The following PRKAR1A variants were observed in gnomAD, a reference collection of about 807,000 sequenced individuals.
PRKAR1A encodes the protein cAMP-dependent protein kinase type I-alpha regulatory subunit.
Under a neutral mutation model 52.0 loss-of-function variants are expected in PRKAR1A, and 3 were observed. That is an observed-to-expected ratio of 0.06 (90% CI 0.03 to 0.15). The LOEUF (loss-of-function observed/expected upper bound fraction) is 0.15, where lower values mean the gene tolerates loss of function less well. Among genes scored for constraint, PRKAR1A ranks in the 10% least tolerant of loss-of-function variants. The probability of loss-of-function intolerance (pLI) is 1.00; values close to 1 mark genes in which losing one functional copy is unlikely to be tolerated. For synonymous variants in PRKAR1A, 188 were observed against 168.4 expected (o/e 1.12, Z -0.90); for missense variants, 240 against 477.4 (o/e 0.50, Z 4.63).
upstream of PRKAR1A, among the ~76,000 whole-genome samples, chr17:68,508,693 A>G (rs1017737400): frequency 6.6e-6 from 1 of 152,198 alleles, no homozygotes; most frequent in Admixed American, 6.5e-5. Context: ...GAATAAGTAA[A>G]TATGCTATTT....
downstream of PRKAR1A, among the ~76,000 whole-genome samples, chr17:68,534,903 A>G (rs2086061024): frequency 2.0e-5 from 3 of 152,236 alleles, no homozygotes; most frequent in Admixed American, 6.5e-5. Context: ...CCCTAGGAGC[A>G]ATGTTCAGTA....
the PRKAR1A span, chr17:68,430,188 G>A: frequency 1.9e-6 from 3 of 1,592,938 alleles, no homozygotes; most frequent in Non-Finnish European, 2.6e-6. Flanking sequence ...GGCAACGATG[G>A]GACTGGGCTG....
chr17:68,492,353 A>C, the PRKAR1A span, among the ~76,000 whole-genome samples: 2 of 152,072 alleles, frequency 1.3e-5, no homozygotes, highest in Non-Finnish European at 2.9e-5. Flanking sequence ...CTTGTCCAGG[A>C]GGGTCATTAG....
At chr17:68,436,265 G>T in the PRKAR1A span, 2 of 870,152 alleles carry the variant, frequency 2.3e-6, no homozygotes, top group African/African-American at 1.7e-5. Flanking sequence ...CAACTCCCCA[G>T]TATTGCTTAC....
chr17:68,425,870 G>C, the PRKAR1A span: 1 of 547,834 alleles, frequency 1.8e-6, no homozygotes, highest in Non-Finnish European at 3.2e-6. Flanking sequence ...ATGCCATCAG[G>C]GTTTAGCTCG....
chr17:68,455,160 A>ATACTAGT, the PRKAR1A span, among the ~76,000 whole-genome samples: 1 of 152,114 alleles, frequency 6.6e-6, no homozygotes, highest in Non-Finnish European at 1.5e-5. Flanking sequence ...TCAGGAGTTC[A>ATACTAGT]AGACCAAGCT....
chr17:68,519,494 T>TA (rs1193217222), intron 2 of PRKAR1A, among the ~76,000 whole-genome samples: 2 of 152,166 alleles, frequency 1.3e-5, no homozygotes, highest in African/African-American at 4.8e-5. Context: ...GTGATTAAAT[T>TA]ACCTCCCACC....
the PRKAR1A span, chr17:68,444,405 C>G: frequency 5.6e-5 from 69 of 1,225,216 alleles, 1 homozygote; most frequent in East Asian, 1.2e-3. Flanking sequence ...CACTGCTTCA[C>G]GTTCGCAATT....
the PRKAR1A span, among the ~76,000 whole-genome samples, chr17:68,459,894 C>T: frequency 1.3e-5 from 2 of 150,034 alleles, no homozygotes; most frequent in Non-Finnish European, 3.0e-5. Context: ...TCACCAGGCT[C>T]ACTGCAACCT....
At chr17:68,457,233 C>A in the PRKAR1A span, 1 of 1,351,348 alleles carries the variant, frequency 7.4e-7, no homozygotes, top group Non-Finnish European at 1.0e-6. Flanking sequence ...ACCGGCCCTC[C>A]CGCCGAGGCC....
At chr17:68,478,224 G>C in the PRKAR1A span, among the ~76,000 whole-genome samples, 2 of 152,052 alleles carry the variant, frequency 1.3e-5, no homozygotes, top group South Asian at 2.1e-4. Flanking sequence ...GGGGCCGAGG[G>C]GGGTGGATCA....
chr17:68,445,622 C>T, the PRKAR1A span, among the ~76,000 whole-genome samples: 2 of 152,232 alleles, frequency 1.3e-5, no homozygotes, highest in Non-Finnish European at 2.9e-5. Context: ...CACATGAAAG[C>T]TTGTCAGGTT....
At chr17:68,457,476 GCCCGC>G in the PRKAR1A span, 4 of 1,355,442 alleles carry the variant, frequency 3.0e-6, no homozygotes, top group African/African-American at 6.3e-5. Flanking sequence ...CACCTCAGCA[GCCCGC>G]CCGCGCCGGC....
chr17:68,534,559 C>T (rs1314688979), downstream of PRKAR1A, among the ~76,000 whole-genome samples: 6 of 77,734 alleles, frequency 7.7e-5, no homozygotes, highest in East Asian at 4.5e-4. Flanking sequence ...CTTTTTAGTG[C>T]CTTTTTTTTT....
chr17:68,461,807 C>T, the PRKAR1A span, among the ~76,000 whole-genome samples: 1 of 151,762 alleles, frequency 6.6e-6, no homozygotes, highest in Non-Finnish European at 1.5e-5. The surrounding 1 kb of genome is among the most constrained non-coding windows in gnomAD (Gnocchi z 4.6). Flanking sequence ...AGGAGTCAGC[C>T]CTATGGTGCC....
chr17:68,419,779 G>A, the PRKAR1A span, among the ~76,000 whole-genome samples: 1 of 147,370 alleles, frequency 6.8e-6, no homozygotes, highest in African/African-American at 2.6e-5. Context: ...GAGGAACATA[G>A]CGGGACCCTG....
chr17:68,519,804 C>T (rs2085547313), intron 2 of PRKAR1A, among the ~76,000 whole-genome samples: 2 of 152,134 alleles, frequency 1.3e-5, no homozygotes, highest in South Asian at 4.1e-4. Flanking sequence ...ATAACAGTGA[C>T]CTTGTGTCTG....
the PRKAR1A span, among the ~76,000 whole-genome samples, chr17:68,463,293 T>C: frequency 2.3e-4 from 35 of 152,330 alleles, no homozygotes; most frequent in Middle Eastern, 3.4e-3. Context: ...CTCCCTTGTG[T>C]ATTTTTCCAA....
intron 2 of PRKAR1A, among the ~76,000 whole-genome samples, chr17:68,522,406 T>G (rs2085639947): frequency 6.6e-6 from 1 of 152,224 alleles, no homozygotes; most frequent in Non-Finnish European, 1.5e-5. Flanking sequence ...ATTTTCAGGA[T>G]TTTGTCTTGC....
Sources: gnomAD v4.1 joint callset for allele counts (sites outside exome capture counted in the v4.1 genomes callset) on GRCh38, gnomAD v4.1.1 for gene constraint, Gnocchi (gnomAD v3.1) non-coding constraint, MANE v1.5 for transcripts, NCBI Gene and HGNC (gene_info 2026-07-23, HGNC 2026-07-21) for gene names.